Variants in ATP11B observed in about 807,000 individuals in gnomAD.
ATP11B encodes phospholipid-transporting ATPase IF.
A neutral mutation model predicts 157.8 loss-of-function variants in ATP11B; 81 were observed. That is an observed-to-expected ratio of 0.51 (90% CI 0.43 to 0.62). The LOEUF (loss-of-function observed/expected upper bound fraction) is 0.62, where lower values mean the gene tolerates loss of function less well. ATP11B is among the 20% of genes least tolerant of loss of function. ATP11B has a pLI of 0.00. For synonymous variants in ATP11B, 451 were observed against 469.4 expected, an observed-to-expected ratio of 0.96 and a Z score of 0.51; for missense variants, 1,165 against 1,402.2, an observed-to-expected ratio of 0.83 and a Z score of 2.70.
rs1725368237 is a variant in ATP11B at position 182,920,045 on chromosome 3, A to G, written c.*1941A>G. On this transcript the variant is annotated 3_prime_UTR_variant, in exon 30 of 30. Transcript: ENST00000323116. ...CTCTTATAAAACGTGCATATAACAA[A>G]ATGACACCCAGTAGGCCTGCATTAC... 6.6e-6 allele frequency: 1 copy of G among 152,204 alleles called. No homozygotes were observed. The highest frequency in any genetic ancestry group is 2.1e-4 in the South Asian group (1 of 4,836). 9.4% of individuals were successfully genotyped at this position (152,204 alleles called of 1,614,324 possible).
chr3:182,831,649 A>G (rs1332985528), intron 4 of ATP11B, among the ~76,000 whole-genome samples: 1 of 151,652 alleles, frequency 6.6e-6, no homozygotes, highest in Admixed American at 6.6e-5. Context: ...GCATGCTCCT[A>G]TCTCAAGATT....
chr3:182,915,124 G>T lies in ATP11B; in HGVS notation c.3452+1130G>T, dbSNP rs1055332597. ...TGTGTTTTAAAAAAATGATGAGTAT[G>T]ATATCATTCATCTGTTATAAAATTC... is the stretch of plus-strand genomic sequence containing the variant. On this transcript the variant is annotated intron_variant, in intron 29 of 29. Transcript: ENST00000323116. The T allele has an allele frequency of 7.1e-6, 7 of 984,818 alleles. No homozygotes were observed. The African/African-American group carries it at 1.2e-4, about 17-fold the overall frequency. The allele number at this position is 984,818 out of a possible 1,614,324, so 61.0% of individuals were successfully genotyped here. A position where few individuals can be genotyped will look rare whatever the true frequency, so the allele number is the denominator to read the frequency against.
intron 1 of ATP11B, among the ~76,000 whole-genome samples, chr3:182,810,809 G>A (rs900948783): frequency 2.0e-5 from 3 of 152,180 alleles, no homozygotes; most frequent in African/African-American, 7.2e-5. Context: ...GAGAGATAGT[G>A]AATACTTGTG....
At chr3:182,809,102 A>G (rs999729113) in intron 1 of ATP11B, among the ~76,000 whole-genome samples, 1 of 152,020 alleles carries the variant, frequency 6.6e-6, no homozygotes, top group African/African-American at 2.4e-5. Flanking sequence ...GTTCCCTCCT[A>G]TAGGAGATTA....
intron 2 of ATP11B, among the ~76,000 whole-genome samples, chr3:182,823,829 G>GT (rs913213496): frequency 3.0e-4 from 45 of 147,578 alleles, no homozygotes; most frequent in Middle Eastern, 3.5e-3. Context: ...AAAACTTTAG[G>GT]TTTTTTTTTT....
chr3:182,852,650 C>T (rs1041018488), intron 10 of ATP11B, among the ~76,000 whole-genome samples: 1 of 152,130 alleles, frequency 6.6e-6, no homozygotes, highest in African/African-American at 2.4e-5. Flanking sequence ...AACAGGTGGA[C>T]GTCTGTATGT....
chr3:182,841,754 G>A (rs533294081), intron 7 of ATP11B, among the ~76,000 whole-genome samples: 1 of 151,996 alleles, frequency 6.6e-6, no homozygotes, highest in South Asian at 2.1e-4. Context: ...CGAGGTGGGC[G>A]GATCATGAGG....
rs2108603217 is a variant in ATP11B at position 182,920,467 on chromosome 3, A to C, written c.*2363A>C. On this transcript the variant is annotated 3_prime_UTR_variant, in exon 30 of 30. Transcript: ENST00000323116. ...GTAAAACTCTTACTACGTAACCAGT[A>C]ATCACAAGGAAAGTGTCCCCTTTGC... 1 of 152,348 alleles carries C rather than the reference A, an allele frequency of 6.6e-6. No individual in the cohort carries two copies. The allele number at this position is 152,348 out of a possible 1,614,324, so 9.4% of individuals were successfully genotyped here.
chr3:182,844,990 T>A (rs1330361914), intron 8 of ATP11B, among the ~76,000 whole-genome samples: 1 of 99,450 alleles, frequency 1.0e-5, no homozygotes, highest in African/African-American at 4.9e-5. Context: ...GCCTTTTTTT[T>A]TTTATTTTTT....
intron 1 of ATP11B, among the ~76,000 whole-genome samples, chr3:182,806,074 G>C (rs1396886964): frequency 6.6e-6 from 1 of 152,144 alleles, no homozygotes; most frequent in Admixed American, 6.5e-5. Context: ...TTTTAAGCAA[G>C]AGTTCATGAG....
intron 1 of ATP11B, among the ~76,000 whole-genome samples, chr3:182,806,466 AG>A (rs1204167498): frequency 2.0e-5 from 3 of 152,092 alleles, no homozygotes; most frequent in Admixed American, 2.0e-4. Flanking sequence ...TTCTCATTCT[AG>A]AACTCTTGCT....
At chr3:182,802,998 G>C (rs947198512) in intron 1 of ATP11B, among the ~76,000 whole-genome samples, 1 of 151,956 alleles carries the variant, frequency 6.6e-6, no homozygotes, top group African/African-American at 2.4e-5. Flanking sequence ...ATCTTATGGG[G>C]GGTTCTTTTT....
At chr3:182,905,994 T>C in intron 28 of ATP11B, 1 of 375,700 alleles carries the variant, frequency 2.7e-6, no homozygotes, top group South Asian at 1.9e-5. Context: ...ATGGGACACC[T>C]GACCTGACAT....
chr3:182,802,356 G>C (rs1194031372), intron 1 of ATP11B, among the ~76,000 whole-genome samples: 1 of 152,054 alleles, frequency 6.6e-6, no homozygotes, highest in Non-Finnish European at 1.5e-5. Flanking sequence ...TAATTCCTCT[G>C]CCTAAGATTT....
Position 182,820,287 on chromosome 3 carries a change from A to T in ATP11B, c.55A>T (p.Thr19Ser). Residue 19 changes from threonine (T) to serine (S), a missense_variant, in exon 2 of 30, where the codon ACA becomes TCA. Physicochemically the swap from Thr to Ser is moderately conservative, Grantham distance 58. This residue lies in a region of ATP11B where 91 missense variants were observed against 95.8 expected (regional missense o/e 0.95). Coordinates refer to ENST00000323116, the MANE Select transcript of ATP11B (RefSeq NM_014616.3). ...TTTTGACCCACCACATCAGAGTGAC[A>T]CAAGAACCATCTACGTAGCCAACAG... ...LGFDPPHQSDTRTIYVANRFP... is the reference protein window; with the variant it reads ...LGFDPPHQSDSRTIYVANRFP... 1 of 1,614,106 alleles carries T rather than the reference A, an allele frequency of 6.2e-7. No individual in the cohort carries two copies. The highest frequency in any genetic ancestry group is 1.1e-5 in the South Asian group (1 of 91,082).
At chr3:182,870,470 TA>T (rs1179322870) in intron 17 of ATP11B, among the ~76,000 whole-genome samples, 2 of 152,218 alleles carry the variant, frequency 1.3e-5, no homozygotes, top group African/African-American at 4.8e-5. Flanking sequence ...CACCACATCG[TA>T]ACATCTGTGA....
At position 182,866,366 on chromosome 3, in the gene ATP11B, A is replaced by G. The variant is rs1049999500; in HGVS notation, c.1542A>G (p.Gln514=). ...QTDCTGDGPW[Q]SNLAPSQLEY... ...ACTGCACTGGTGATGGTCCCTGGCA[A>G]TCCAACCTGGCACCATCGCAGTTGG... is the stretch of plus-strand genomic sequence containing the variant. The change falls in exon 14 of 30, where the codon CAA becomes CAG. Residue 514 remains glutamine (Q), a synonymous_variant. Transcript: ENST00000323116. The G allele has an allele frequency of 1.9e-6, 3 of 1,613,922 alleles. No individual in the cohort carries two copies. Among genetic ancestry groups the G allele is most frequent in the Non-Finnish European group, 2.5e-6 (3 of 1,179,876 alleles).
chr3:182,880,576 G>A (rs1296165171), intron 20 of ATP11B, among the ~76,000 whole-genome samples: 1 of 151,902 alleles, frequency 6.6e-6, no homozygotes, highest in Non-Finnish European at 1.5e-5. Context: ...GTTCAATTAA[G>A]TAGTCATTTT....
intron 10 of ATP11B, among the ~76,000 whole-genome samples, chr3:182,849,897 C>A (rs1172327175): frequency 1.3e-5 from 2 of 152,076 alleles, no homozygotes; most frequent in Non-Finnish European, 2.9e-5. Flanking sequence ...CTACCAAGAT[C>A]AGCAAACTCT....
Sources: gnomAD v4.1 joint callset for allele counts (sites outside exome capture counted in the v4.1 genomes callset) on GRCh38, gnomAD v4.1.1 for gene constraint, gnomAD v4.1.1 regional missense constraint, MANE v1.5 for transcripts, NCBI Gene and HGNC (gene_info 2026-07-23, HGNC 2026-07-21) for gene names.